Variants in PI4KA observed in about 807,000 individuals in gnomAD.
The protein encoded by PI4KA is PI4-kinase alpha.
In PI4KA, 122 loss-of-function variants were observed where a neutral mutation model predicts 271.4. That is an observed-to-expected ratio of 0.45 (90% confidence interval 0.39 to 0.52). The LOEUF (loss-of-function observed/expected upper bound fraction) is 0.52. PI4KA is among the 20% of genes least tolerant of loss of function. The probability of loss-of-function intolerance (pLI) is 0.00; values close to 1 mark genes in which losing one functional copy is unlikely to be tolerated. For synonymous variants in PI4KA, 1,041 were observed against 1,078.8 expected, an observed-to-expected ratio of 0.96 and a Z score of 0.69; for missense variants, 1,969 against 2,769.1, an observed-to-expected ratio of 0.71 and a Z score of 6.48.
At chr22:20,801,076 G>A (rs936764872) in intron 14 of PI4KA, among the ~76,000 whole-genome samples, 7 of 147,338 alleles carry the variant, frequency 4.8e-5, no homozygotes, top group African/African-American at 1.7e-4. Flanking sequence ...ATTTGTAGTA[G>A]AGACAGGGTT....
intron 19 of PI4KA, among the ~76,000 whole-genome samples, chr22:20,785,662 A>C (rs560493269): frequency 2.3e-4 from 35 of 152,306 alleles, no homozygotes; most frequent in Middle Eastern, 6.8e-3. Flanking sequence ...AAAAAAAACC[A>C]AATGCCTAAA....
At chr22:20,776,477 T>C (rs1051355159) in intron 19 of PI4KA, among the ~76,000 whole-genome samples, 34 of 152,234 alleles carry the variant, frequency 2.2e-4, no homozygotes, top group Non-Finnish European at 2.9e-4. Context: ...TGCTCCAAAA[T>C]GTGCAATTCA....
chr22:20,738,378 A>C (rs1928985027), intron 32 of PI4KA, among the ~76,000 whole-genome samples: 1 of 152,232 alleles, frequency 6.6e-6, no homozygotes, highest in South Asian at 2.1e-4. Context: ...TTACTAGTGC[A>C]GCCCACATGC....
chr22:20,813,320 AT>A, intron 8 of PI4KA, 37 bp downstream of exon 8: 2 of 1,546,944 alleles, frequency 1.3e-6, no homozygotes, highest in South Asian at 1.1e-5. Flanking sequence ...TTTTACTGAC[AT>A]ATCCATGGTC....
At chr22:20,775,513 G>C (rs2147457492) in intron 19 of PI4KA, among the ~76,000 whole-genome samples, 1 of 152,326 alleles carries the variant, frequency 6.6e-6, no homozygotes, top group South Asian at 2.1e-4. Context: ...GATAAAACAT[G>C]CATGTCTTTA....
intron 17 of PI4KA, 114 bp downstream of exon 17, chr22:20,798,470 G>C: frequency 2.6e-6 from 2 of 775,320 alleles, no homozygotes; most frequent in Non-Finnish European, 4.6e-6. Flanking sequence ...CTGATCTGTA[G>C]CATATAGTTT....
At chr22:20,747,477 G>T in intron 29 of PI4KA, 106 bp downstream of exon 29, 1 of 1,204,518 alleles carries the variant, frequency 8.3e-7, no homozygotes, top group Non-Finnish European at 1.2e-6. Context: ...CACCCTGCAT[G>T]TACTCATGTG....
At chr22:20,825,660 C>T (rs1242583675) in intron 3 of PI4KA, among the ~76,000 whole-genome samples, 1 of 152,098 alleles carries the variant, frequency 6.6e-6, no homozygotes, top group Non-Finnish European at 1.5e-5. Flanking sequence ...TGGGATCTGT[C>T]AGTTTTAGGC....
chr22:20,810,408 C>T (rs751235424), intron 9 of PI4KA, among the ~76,000 whole-genome samples: 6 of 151,318 alleles, frequency 4.0e-5, no homozygotes, highest in Admixed American at 4.0e-4. Flanking sequence ...ACTTAGGAAG[C>T]GGAGGTAGGA....
chr22:20,771,162 C>T lies in PI4KA; in HGVS notation c.2329-5469G>A, dbSNP rs559879718. On this transcript the variant is annotated intron_variant, in intron 19 of 54. Coordinates refer to ENST00000255882, the MANE Select transcript of PI4KA (RefSeq NM_058004.4). ...GCCATACACAAGCTGTGGTGGCTCACGCCTGTAATCCCAGCACTTTGGGAG... is the reference window on the plus strand; with the variant it reads ...GCCATACACAAGCTGTGGTGGCTCATGCCTGTAATCCCAGCACTTTGGGAG... Among the ~76,000 whole-genome samples, 10 of 152,018 alleles carry T rather than the reference C, an allele frequency of 6.6e-5. 1 individual carries two copies. The highest frequency in any genetic ancestry group is 2.4e-4 in the African/African-American group (10 of 41,462).
At chr22:20,765,435 G>A in intron 20 of PI4KA, 150 bp downstream of exon 20, 1 of 742,094 alleles carries the variant, frequency 1.3e-6, no homozygotes, top group Non-Finnish European at 2.3e-6. Context: ...CTACATCTGG[G>A]GACAGTAACA....
chr22:20,723,375 C>A (rs1193045488), intron 42 of PI4KA, among the ~76,000 whole-genome samples: 1 of 151,906 alleles, frequency 6.6e-6, no homozygotes, highest in African/African-American at 2.4e-5. Flanking sequence ...ATTTGTATTG[C>A]CATAGTGATA....
intron 3 of PI4KA, among the ~76,000 whole-genome samples, chr22:20,826,179 C>T (rs959340054): frequency 6.6e-6 from 1 of 152,068 alleles, no homozygotes; most frequent in Non-Finnish European, 1.5e-5. Flanking sequence ...TCCATCTCCA[C>T]TATAAATATA....
chr22:20,747,135 T>G (rs1930200640), intron 29 of PI4KA, among the ~76,000 whole-genome samples: 1 of 152,206 alleles, frequency 6.6e-6, no homozygotes, highest in Non-Finnish European at 1.5e-5. Context: ...CTCTGTCCTC[T>G]AGATTAATCT....
chr22:20,801,681 C>A (rs949869840), intron 14 of PI4KA, among the ~76,000 whole-genome samples: 3 of 151,564 alleles, frequency 2.0e-5, no homozygotes, highest in Admixed American at 1.3e-4. Flanking sequence ...GTCAGGAGTT[C>A]GAGACCAGCC....
chr22:20,813,480 G>C lies in PI4KA; in HGVS notation c.883C>G (p.Leu295Val). ...GTTGAAAAGTAGTACTCAGGCTCTA[G>C]GGCAGTCCCATCGGGCAAGCAGGAG... Reference protein sequence around the residue: ...EASCLPDGTALEPEYYFSTIS... With the variant: ...EASCLPDGTAVEPEYYFSTIS... The change falls in exon 8 of 55, where the codon CTA (leucine) becomes GTA (valine). Residue 295 changes from leucine to valine, a missense_variant. Leu to Val is a conservative substitution (Grantham distance 32). Coordinates refer to ENST00000255882, the MANE Select transcript of PI4KA (RefSeq NM_058004.4). The C allele has an allele frequency of 6.2e-7, 1 of 1,614,042 alleles. No individual in the cohort carries two copies. The highest frequency in any genetic ancestry group is 8.5e-7 in the Non-Finnish European group (1 of 1,179,948).
chr22:20,785,973 A>C, intron 19 of PI4KA: 1 of 1,614,146 alleles, frequency 6.2e-7, no homozygotes, highest in African/African-American at 1.3e-5. Flanking sequence ...TGGTTCAATA[A>C]AACTGGGCCC....
At chr22:20,833,128 T>C (rs1270460274) in intron 3 of PI4KA, among the ~76,000 whole-genome samples, 2 of 152,206 alleles carry the variant, frequency 1.3e-5, no homozygotes, top group East Asian at 3.8e-4. Context: ...GTCAACTGGC[T>C]TCATTTCTGA....
At chr22:20,757,671 G>C (rs1376862085) in intron 23 of PI4KA, among the ~76,000 whole-genome samples, 2 of 152,010 alleles carry the variant, frequency 1.3e-5, no homozygotes, top group African/African-American at 4.8e-5. Flanking sequence ...GGCCTCCCAA[G>C]TAGCCAGGAC....
Sources: gnomAD v4.1 joint callset for allele counts (sites outside exome capture counted in the v4.1 genomes callset) on GRCh38, gnomAD v4.1.1 for gene constraint, MANE v1.5 for transcripts, NCBI Gene and HGNC (gene_info 2026-07-23, HGNC 2026-07-21) for gene names.